The following ASIC2 variants were observed in gnomAD, a reference collection of about 807,000 sequenced individuals.
The protein encoded by ASIC2 is acid-sensing ion channel 2.
In ASIC2, 25 loss-of-function variants were observed where a neutral mutation model predicts 57.3. That is an observed-to-expected ratio of 0.44 (90% confidence interval 0.32 to 0.61). ASIC2 has a LOEUF of 0.61. Among genes scored for constraint, ASIC2 ranks in the 20% least tolerant of loss-of-function variants. The pLI, the probability that ASIC2 is intolerant of heterozygous loss-of-function variation, is 0.06. For synonymous variants in ASIC2, 319 were observed against 307.5 expected (o/e 1.04, Z -0.39); for missense variants, 641 against 738.1 (o/e 0.87, Z 1.52).
chr17:33,851,010 T>C (rs1020929791), intron 1 of ASIC2, among the ~76,000 whole-genome samples: 5 of 152,162 alleles, frequency 3.3e-5, no homozygotes, highest in Admixed American at 1.3e-4. Context: ...AGATCCCTCA[T>C]GGAAGAGTTA....
intron 1 of ASIC2, 66 bp downstream of exon 1, chr17:33,291,342 A>G: frequency 6.6e-7 from 1 of 1,523,942 alleles, no homozygotes; most frequent in Non-Finnish European, 8.8e-7. Context: ...GGGGCGGAAC[A>G]CCAGGCCTCC....
intron 3 of ASIC2, among the ~76,000 whole-genome samples, chr17:33,075,735 G>T (rs1290101852): frequency 6.6e-6 from 1 of 152,128 alleles, no homozygotes; most frequent in East Asian, 1.9e-4. Context: ...CTGAGCACTG[G>T]GACAGGTGCT....
chr17:33,185,086 T>C (rs1906137855), intron 1 of ASIC2, among the ~76,000 whole-genome samples: 1 of 152,182 alleles, frequency 6.6e-6, no homozygotes, highest in African/African-American at 2.4e-5. Context: ...GAAACAAAAC[T>C]ACAATAATAA....
chr17:34,146,204 T>C, intron 1 of ASIC2, among the ~76,000 whole-genome samples: 1 of 152,210 alleles, frequency 6.6e-6, no homozygotes, highest in East Asian at 1.9e-4. Flanking sequence ...AGGGCCACCC[T>C]TGGGAATTGT....
intron 3 of ASIC2, among the ~76,000 whole-genome samples, chr17:33,037,096 C>A (rs1340847082): frequency 7.1e-6 from 1 of 141,390 alleles, no homozygotes; most frequent in Non-Finnish European, 1.5e-5. Context: ...TACCCTCAAA[C>A]CCCAAATTAA....
At chr17:33,701,278 A>G (rs1224809610) in intron 1 of ASIC2, among the ~76,000 whole-genome samples, 2 of 152,164 alleles carry the variant, frequency 1.3e-5, no homozygotes, top group Non-Finnish European at 2.9e-5. Flanking sequence ...CTGGAGTGGA[A>G]TGGAATACCG....
chr17:33,910,553 T>A (rs537247575), intron 1 of ASIC2, among the ~76,000 whole-genome samples: 23 of 152,202 alleles, frequency 1.5e-4, no homozygotes, highest in Non-Finnish European at 3.4e-4. Context: ...CTGTTTTCCT[T>A]CATAGAATTT....
At chr17:33,733,713 G>A (rs933951767) in intron 1 of ASIC2, among the ~76,000 whole-genome samples, 1 of 152,118 alleles carries the variant, frequency 6.6e-6, no homozygotes, top group African/African-American at 2.4e-5. Flanking sequence ...TCCTCTCCCA[G>A]CCTCATGTCA....
chr17:33,694,982 G>A (rs56753930), intron 1 of ASIC2, among the ~76,000 whole-genome samples: 4,345 of 152,190 alleles, frequency 0.029, 209 homozygotes, highest in African/African-American at 0.1. Context: ...GTGTCACTTT[G>A]TTTAAATTCT....
At chr17:33,637,745 C>T (rs1906417767) in intron 1 of ASIC2, among the ~76,000 whole-genome samples, 2 of 152,224 alleles carry the variant, frequency 1.3e-5, no homozygotes, top group Non-Finnish European at 2.9e-5. Context: ...ACTGGTACTT[C>T]CTGCCTGCTG....
chr17:33,674,830 G>A (rs3115686), intron 1 of ASIC2, among the ~76,000 whole-genome samples: 27,355 of 152,078 alleles, frequency 0.18, 2,588 homozygotes, highest in African/African-American at 0.23. Flanking sequence ...AAAGAGCTCA[G>A]AAGTCTGTCT....
At chr17:33,035,881 T>C (rs2091906931) in intron 3 of ASIC2, among the ~76,000 whole-genome samples, 1 of 152,212 alleles carries the variant, frequency 6.6e-6, no homozygotes. Context: ...TCCCTTCCAA[T>C]TTTCAGCCTT....
At chr17:33,924,171 G>T (rs1915773126) in intron 1 of ASIC2, among the ~76,000 whole-genome samples, 1 of 152,182 alleles carries the variant, frequency 6.6e-6, no homozygotes, top group Non-Finnish European at 1.5e-5. Context: ...CTAATAAATG[G>T]CATTTGTCAC....
At chr17:33,271,404 C>T (rs1904486802) in intron 1 of ASIC2, among the ~76,000 whole-genome samples, 1 of 152,108 alleles carries the variant, frequency 6.6e-6, no homozygotes, top group Admixed American at 6.5e-5. Flanking sequence ...CTTATGTGTC[C>T]AACTACTTAC....
In ASIC2 at chr17:33,082,621, C is replaced by T. The variant is rs975613251; in HGVS notation, c.987+6242G>A. Among the ~76,000 whole-genome samples, 8 of 152,190 alleles carry T rather than the reference C, an allele frequency of 5.3e-5. 1 individual carries two copies. The highest frequency in any genetic ancestry group is 6.8e-3 in the Middle Eastern group (2 of 294). On this transcript the variant is annotated intron_variant, in intron 3 of 9. Coordinates refer to ENST00000225823, the MANE Select transcript of ASIC2 (RefSeq NM_183377.2). ...GGCTGAGGCACGAGATTTGCTTGAA[C>T]TCAGGAGGTGGAGGTTGCAGTGAGC...
At chr17:33,923,045 G>A (rs531847937) in intron 1 of ASIC2, among the ~76,000 whole-genome samples, 11 of 152,294 alleles carry the variant, frequency 7.2e-5, no homozygotes, top group African/African-American at 2.2e-4. Context: ...GGGGAAGCCT[G>A]ATGACCACAG....
intron 1 of ASIC2, among the ~76,000 whole-genome samples, chr17:33,683,187 C>A (rs1908063957): frequency 6.6e-6 from 1 of 152,246 alleles, no homozygotes; most frequent in Non-Finnish European, 1.5e-5. Flanking sequence ...CTTGCCTCAG[C>A]CTCCTGTGTA....
chr17:33,918,731 A>G (rs532821937), intron 1 of ASIC2, among the ~76,000 whole-genome samples: 2 of 152,364 alleles, frequency 1.3e-5, no homozygotes, highest in South Asian at 4.1e-4. Context: ...ACAGGATTCT[A>G]GTTTTTAGAA....
At chr17:33,245,711 G>A (rs1410050428) in intron 1 of ASIC2, among the ~76,000 whole-genome samples, 1 of 152,084 alleles carries the variant, frequency 6.6e-6, no homozygotes, top group African/African-American at 2.4e-5. Flanking sequence ...AGGGTAACAT[G>A]AAAAAAGGGG....
Sources: allele counts gnomAD v4.1 joint callset (sites outside exome capture counted in the v4.1 genomes callset), GRCh38; gene constraint gnomAD v4.1.1; transcripts MANE v1.5; gene names NCBI Gene and HGNC (gene_info 2026-07-23, HGNC 2026-07-21).